The following LRMDA variants were observed in gnomAD, a reference collection of about 807,000 sequenced individuals.
The protein encoded by LRMDA is leucine rich melanocyte differentiation associated, also known as leucine-rich melanocyte differentiation-associated protein.
LRMDA carries 18 observed loss-of-function variants against 29.8 expected under a neutral mutation model. The ratio of observed to expected loss-of-function variants is 0.60; its 90% CI spans 0.42 to 0.90. The LOEUF (loss-of-function observed/expected upper bound fraction) is 0.90, where lower values mean the gene tolerates loss of function less well. Among genes scored for constraint, LRMDA ranks in the 40% least tolerant of loss-of-function variants. LRMDA has a pLI of 0.00. For synonymous variants in LRMDA, 125 were observed against 109.4 expected (o/e 1.14, Z -0.89); for missense variants, 273 against 273.9 (o/e 1.00, Z 0.02).
intron 2 of LRMDA, among the ~76,000 whole-genome samples, chr10:75,814,623 C>A (rs1844025826): frequency 6.6e-6 from 1 of 152,190 alleles, no homozygotes; most frequent in South Asian, 2.1e-4. Context: ...AGAATACCAA[C>A]CAAGTGCAGG....
At chr10:75,612,539 T>G (rs924113038) in intron 2 of LRMDA, among the ~76,000 whole-genome samples, 13 of 151,920 alleles carry the variant, frequency 8.6e-5, no homozygotes, top group Non-Finnish European at 1.9e-4. Context: ...CAAGATGACT[T>G]TTGTTTATTA....
chr10:75,886,163 G>A (rs1047455555), intron 2 of LRMDA, among the ~76,000 whole-genome samples: 1 of 152,146 alleles, frequency 6.6e-6, no homozygotes, highest in Non-Finnish European at 1.5e-5. Context: ...AGTTGACATT[G>A]GTCTGCAGAT....
At chr10:75,967,799 G>A (rs1846891956) in intron 2 of LRMDA, among the ~76,000 whole-genome samples, 1 of 152,018 alleles carries the variant, frequency 6.6e-6, no homozygotes, top group South Asian at 2.1e-4. Flanking sequence ...CTGAGGAGGG[G>A]AAGAAGAAAG....
At chr10:76,130,973 T>C (rs909766039) in intron 5 of LRMDA, among the ~76,000 whole-genome samples, 2 of 152,188 alleles carry the variant, frequency 1.3e-5, no homozygotes, top group African/African-American at 4.8e-5. Flanking sequence ...CCACCTAGCC[T>C]ATTGTATACA....
At chr10:76,457,588 A>G (rs566756247) in intron 6 of LRMDA, among the ~76,000 whole-genome samples, 69 of 152,300 alleles carry the variant, frequency 4.5e-4, no homozygotes, top group African/African-American at 1.6e-3. Context: ...CCTAAGCCCA[A>G]GAAGGCCATG....
intron 5 of LRMDA, among the ~76,000 whole-genome samples, chr10:76,113,578 G>A (rs1319199844): frequency 6.6e-6 from 1 of 152,090 alleles, no homozygotes; most frequent in Non-Finnish European, 1.5e-5. Context: ...CTTGACCAAT[G>A]AAAAGCCCCC....
At chr10:75,583,843 C>T (rs1429822335) in intron 2 of LRMDA, among the ~76,000 whole-genome samples, 1 of 152,154 alleles carries the variant, frequency 6.6e-6, no homozygotes, top group East Asian at 1.9e-4. Context: ...CCTCTTCATC[C>T]CCACTCGAGG....
chr10:75,899,516 C>T (rs1430839061), intron 2 of LRMDA, among the ~76,000 whole-genome samples: 5 of 152,336 alleles, frequency 3.3e-5, no homozygotes, highest in African/African-American at 1.2e-4. Context: ...TCTCTGTTCA[C>T]CTGTGTGGTC....
chr10:75,489,174 C>T (rs1844953104), intron 2 of LRMDA, among the ~76,000 whole-genome samples: 1 of 145,662 alleles, frequency 6.9e-6, no homozygotes, highest in Non-Finnish European at 1.5e-5. Flanking sequence ...TCTCACTGTA[C>T]AGCAGTCACC....
At chr10:76,471,698 A>G (rs1842618864) in intron 6 of LRMDA, among the ~76,000 whole-genome samples, 1 of 151,856 alleles carries the variant, frequency 6.6e-6, no homozygotes, top group Non-Finnish European at 1.5e-5. Flanking sequence ...ATTCAAAGAT[A>G]CAGATAGTTT....
intron 2 of LRMDA, among the ~76,000 whole-genome samples, chr10:75,978,915 G>A (rs542294806): frequency 4.6e-5 from 7 of 152,144 alleles, no homozygotes; most frequent in Non-Finnish European, 8.8e-5. Flanking sequence ...ATAGAGATGA[G>A]CCAGGCAATC....
intron 2 of LRMDA, among the ~76,000 whole-genome samples, chr10:75,440,253 G>T (rs1020372596): frequency 3.4e-5 from 5 of 148,124 alleles, no homozygotes; most frequent in Non-Finnish European, 5.9e-5. Flanking sequence ...TCGTAAGGGG[G>T]TGGCTGAAAA....
At chr10:75,953,428 G>A (rs1019341067) in intron 2 of LRMDA, among the ~76,000 whole-genome samples, 2 of 152,168 alleles carry the variant, frequency 1.3e-5, no homozygotes, top group Non-Finnish European at 2.9e-5. Flanking sequence ...CCAGCCCTGT[G>A]TGAGGCTGAG....
chr10:75,434,497 C>T (rs145927871), intron 1 of LRMDA, among the ~76,000 whole-genome samples: 47 of 152,276 alleles, frequency 3.1e-4, no homozygotes, highest in Middle Eastern at 3.4e-3. Flanking sequence ...GACTCATCCG[C>T]GACAACACAG....
chr10:76,060,551 C>A (rs1589308866), intron 5 of LRMDA, among the ~76,000 whole-genome samples: 1 of 152,166 alleles, frequency 6.6e-6, no homozygotes, highest in East Asian at 1.9e-4. Flanking sequence ...GGAGGTTTAC[C>A]TTGTGTCTGA....
intron 2 of LRMDA, among the ~76,000 whole-genome samples, chr10:75,669,724 T>C (rs1434499783): frequency 2.0e-5 from 3 of 152,350 alleles, no homozygotes; most frequent in Non-Finnish European, 4.4e-5. Flanking sequence ...AATAATTTAT[T>C]ATTTGGTGTT....
chr10:76,271,771 C>G (rs1159666342), intron 5 of LRMDA, among the ~76,000 whole-genome samples: 2 of 152,340 alleles, frequency 1.3e-5, no homozygotes, highest in South Asian at 2.1e-4. Flanking sequence ...TTATCTTTCT[C>G]CATCTCACTT....
chr10:75,464,838 TTTC>T (rs1389241369), intron 2 of LRMDA, among the ~76,000 whole-genome samples: 3 of 152,154 alleles, frequency 2.0e-5, no homozygotes, highest in Non-Finnish European at 2.9e-5. Context: ...CACTCTCCCT[TTTC>T]TTTTTTATTT....
At chr10:76,103,636 A>G (rs924358731) in intron 5 of LRMDA, among the ~76,000 whole-genome samples, 1 of 152,152 alleles carries the variant, frequency 6.6e-6, no homozygotes, top group African/African-American at 2.4e-5. Context: ...TTTTTCCCAG[A>G]TTGTAATGGA....
Sources: allele counts gnomAD v4.1 joint callset (sites outside exome capture counted in the v4.1 genomes callset), GRCh38; gene constraint gnomAD v4.1.1; transcripts MANE v1.5; gene names NCBI Gene and HGNC (gene_info 2026-07-23, HGNC 2026-07-21).